Variants in SERINC5 observed in about 807,000 individuals in gnomAD.
SERINC5 encodes the protein serine incorporator 5.
A neutral mutation model predicts 63.1 loss-of-function variants in SERINC5; 41 were observed. That is an observed-to-expected ratio of 0.65 (90% CI 0.51 to 0.84). The LOEUF (loss-of-function observed/expected upper bound fraction) is 0.84, where lower values mean the gene tolerates loss of function less well. SERINC5 is among the 40% of genes least tolerant of loss of function. SERINC5 has a pLI of 0.00. For missense variants in SERINC5, 523 were observed against 573.0 expected, an observed-to-expected ratio of 0.91 and a Z score of 0.89; for synonymous variants, 222 against 215.2, an observed-to-expected ratio of 1.03 and a Z score of -0.28.
chr5:80,182,694 T>C (rs1031030318), intron 2 of SERINC5, among the ~76,000 whole-genome samples: 1 of 151,840 alleles, frequency 6.6e-6, no homozygotes, highest in South Asian at 2.1e-4. Flanking sequence ...TACAGGCGCC[T>C]GCCACCACGC....
At position 80,139,632 on chromosome 5, in the gene SERINC5, A is replaced by C; in HGVS notation, c.*4031T>G. The C allele has an allele frequency of 1.1e-6, 1 of 889,050 alleles. No individual in the cohort carries two copies. Among genetic ancestry groups the C allele is most frequent in the Non-Finnish European group, 1.3e-6 (1 of 753,140 alleles). 55.1% of individuals were successfully genotyped at this position (889,050 alleles called of 1,614,324 possible). ...AGAGAAAGGTCTAAACATCTGTGTG[A>C]ACAGCTCTCCAGTACTGTGAAGTCA... On this transcript the variant is annotated 3_prime_UTR_variant, in exon 12 of 12. Transcript: ENST00000507668.
chr5:80,162,268 G>A (rs1444335456), intron 7 of SERINC5, among the ~76,000 whole-genome samples: 1 of 152,152 alleles, frequency 6.6e-6, no homozygotes, highest in East Asian at 1.9e-4. Flanking sequence ...ATTTTGATAG[G>A]GATAGCGCTA....
At chr5:80,136,642 G>A (rs1243885682), downstream of SERINC5, among the ~76,000 whole-genome samples, 3 of 152,128 alleles carry the variant, frequency 2.0e-5, no homozygotes, top group African/African-American at 7.2e-5. Flanking sequence ...CACAGCAAAG[G>A]AAACCACAAA....
chr5:80,201,798 C>A (rs1317293748), intron 2 of SERINC5, among the ~76,000 whole-genome samples: 1 of 152,214 alleles, frequency 6.6e-6, no homozygotes, highest in East Asian at 1.9e-4. Context: ...CCACCCCTCA[C>A]CCATGAAGAC....
intron 11 of SERINC5, among the ~76,000 whole-genome samples, chr5:80,124,314 C>T (rs756873640): frequency 7.2e-5 from 11 of 152,204 alleles, no homozygotes; most frequent in Non-Finnish European, 1.0e-4. Flanking sequence ...GCAGCTTCCC[C>T]GTGCCAACAG....
At chr5:80,167,935 A>G (rs1747410377) in intron 6 of SERINC5, among the ~76,000 whole-genome samples, 2 of 152,218 alleles carry the variant, frequency 1.3e-5, no homozygotes, top group Admixed American at 1.3e-4. Flanking sequence ...TTACCAATAA[A>G]GACATAAAAT....
At chr5:80,208,641 T>C (rs1241261175) in intron 1 of SERINC5, among the ~76,000 whole-genome samples, 2 of 152,092 alleles carry the variant, frequency 1.3e-5, no homozygotes, top group Non-Finnish European at 2.9e-5. Flanking sequence ...CATACTCTCC[T>C]CCTCCAAGGA....
chr5:80,199,233 A>C (rs1749684920), intron 2 of SERINC5, among the ~76,000 whole-genome samples: 1 of 152,142 alleles, frequency 6.6e-6, no homozygotes, highest in Non-Finnish European at 1.5e-5. Flanking sequence ...TTCAGACCAG[A>C]TTCAAATCCT....
intron 1 of SERINC5, 36 bp downstream of exon 1, chr5:80,255,860 T>C (rs1329853890): frequency 6.3e-7 from 1 of 1,588,160 alleles, no homozygotes; most frequent in South Asian, 1.1e-5. Context: ...GGTTCTCCGA[T>C]CTGACAACCC....
rs890960267 is a variant in SERINC5, at chr5:80,139,526, TTGGTA to T, written c.*4132_*4136del. 4.1e-6 allele frequency: 4 copies of T among 984,912 alleles called. No individual in the cohort carries two copies. Among genetic ancestry groups the T allele is most frequent in the Admixed American group, 6.2e-5 (1 of 16,216 alleles). 61.0% of individuals were successfully genotyped at this position (984,912 alleles called of 1,614,324 possible). A position where few individuals can be genotyped will look rare whatever the true frequency, so the allele number is the denominator to read the frequency against. On this transcript the variant is annotated 3_prime_UTR_variant, in exon 12 of 12. Transcript: ENST00000507668. Reference sequence around the variant, plus strand: ...TTTGCTTAAGGAAAAAAAAAGCTCTTTGGTAAAGGCCAAATATTTCAACCTTTCAA... The same window carrying T: ...TTTGCTTAAGGAAAAAAAAAGCTCTTAAGGCCAAATATTTCAACCTTTCAA...
At chr5:80,250,068 C>G (rs1233351963) in intron 1 of SERINC5, among the ~76,000 whole-genome samples, 1 of 152,078 alleles carries the variant, frequency 6.6e-6, no homozygotes, top group Admixed American at 6.6e-5. Flanking sequence ...AGTTCTGTAA[C>G]CAAAAGAGCT....
intron 1 of SERINC5, among the ~76,000 whole-genome samples, chr5:80,211,592 G>A (rs2112514645): frequency 6.6e-6 from 1 of 152,316 alleles, no homozygotes; most frequent in Middle Eastern, 3.4e-3. Context: ...TAAACTGCGG[G>A]CTGAAACTCT....
At chr5:80,211,146 A>T (rs974472693) in intron 1 of SERINC5, among the ~76,000 whole-genome samples, 3 of 152,204 alleles carry the variant, frequency 2.0e-5, no homozygotes, top group African/African-American at 7.2e-5. Flanking sequence ...GAGGAGAGAA[A>T]AGCAACCAAA....
Position 80,143,636 on chromosome 5 carries a change from A to G in SERINC5, c.*27T>C, listed in dbSNP as rs1745642432. ...ATGGCACTTTCCAGGCTGTAGGCCC[A>G]CAAAGCCCAGGGGACCGCCGATATC... On this transcript the variant is annotated 3_prime_UTR_variant, in exon 12 of 12. Transcript: ENST00000507668. 6.5e-7 allele frequency: 1 copy of G among 1,533,116 alleles called. No individual in the cohort carries two copies. The highest frequency in any genetic ancestry group is 2.4e-5 in the East Asian group (1 of 40,818). The allele number at this position is 1,533,116 out of a possible 1,614,324, so 95.0% of individuals were successfully genotyped here.
At position 80,140,625 on chromosome 5, in the gene SERINC5, AC is replaced by A; in HGVS notation, c.*3037del. The A allele has an allele frequency of 1.0e-6, 1 of 985,314 alleles. No individual in the cohort carries two copies. Among genetic ancestry groups the A allele is most frequent in the East Asian group, 1.1e-4 (1 of 8,806 alleles). The allele number at this position is 985,314 out of a possible 1,614,324, so 61.0% of individuals were successfully genotyped here. On this transcript the variant is annotated 3_prime_UTR_variant, in exon 12 of 12. Transcript: ENST00000507668. The stretch of plus-strand genomic sequence containing the variant: ...CCAATCAGTATTTAAAAAGCTAGAC[AC>A]AGTAAAGACGTGGTTGGGTTTCTGA...
chr5:80,135,920 G>A (rs1225077410), downstream of SERINC5, among the ~76,000 whole-genome samples: 1 of 152,044 alleles, frequency 6.6e-6, no homozygotes, highest in African/African-American at 2.4e-5. Flanking sequence ...TTCAGAGTCA[G>A]AAAGTAGGAT....
intron 2 of SERINC5, among the ~76,000 whole-genome samples, chr5:80,195,236 A>C (rs1217552364): frequency 6.6e-6 from 1 of 151,938 alleles, no homozygotes; most frequent in African/African-American, 2.4e-5. Context: ...TGGTGAGCCA[A>C]GATCATGCCA....
chr5:80,148,185 T>C (rs1561368261), intron 9 of SERINC5, among the ~76,000 whole-genome samples: 1 of 122,792 alleles, frequency 8.1e-6, no homozygotes, highest in African/African-American at 3.3e-5. Context: ...GCGTATTTTT[T>C]ATTCTTTTTT....
At chr5:80,174,177 G>A (rs1174590993) in intron 5 of SERINC5, among the ~76,000 whole-genome samples, 4 of 151,840 alleles carry the variant, frequency 2.6e-5, no homozygotes, top group South Asian at 4.2e-4. Flanking sequence ...CCTGGGCGAC[G>A]TGGCGAAATC....
Sources: gnomAD v4.1 joint callset for allele counts (sites outside exome capture counted in the v4.1 genomes callset) on GRCh38, gnomAD v4.1.1 for gene constraint, MANE v1.5 for transcripts, NCBI Gene and HGNC (gene_info 2026-07-23, HGNC 2026-07-21) for gene names.